KSR1: variants seen among roughly 807,000 people sequenced by gnomAD.
KSR1 encodes kinase suppressor of ras 1, also known as kinase suppressor of ras.
Under a neutral mutation model 92.9 loss-of-function variants are expected in KSR1, and 35 were observed. The observed-to-expected ratio is 0.38, with a 90% CI of 0.29 to 0.50. The LOEUF is 0.50. Ranked by LOEUF, KSR1 falls within the 20% of genes least tolerant of loss-of-function variation. The probability of loss-of-function intolerance (pLI) is 0.94; values close to 1 mark genes in which losing one functional copy is unlikely to be tolerated. For synonymous variants in KSR1, 467 were observed against 472.6 expected, an observed-to-expected ratio of 0.99 and a Z score of 0.15; for missense variants, 972 against 1,158.5, an observed-to-expected ratio of 0.84 and a Z score of 2.34.
rs1054324381 is a variant in KSR1, at chr17:27,603,861, C to T, written c.1538C>T (p.Pro513Leu). Residue 513 changes from proline (P) to leucine (L), a missense_variant, in exon 12 of 21, where the codon CCG becomes CTG. Coordinates refer to ENST00000644974, the MANE Select transcript of KSR1 (RefSeq NM_001394583.1). ...PDISAFAHAAPLPEAADGTRL... is the reference protein window; with the variant it reads ...PDISAFAHAALLPEAADGTRL... Reference sequence around the variant, plus strand: ...ATTTCAGCCTTTGCACACGCAGCCCCGCTCCCTGAAGCTGCCGACGGTACC... The same window carrying T: ...ATTTCAGCCTTTGCACACGCAGCCCTGCTCCCTGAAGCTGCCGACGGTACC... 2.4e-5 allele frequency: 39 copies of T among 1,613,844 alleles called. No homozygotes were observed. Among genetic ancestry groups the T allele is most frequent in the Non-Finnish European group, 3.1e-5 (37 of 1,179,896 alleles).
chr17:27,616,854 C>T (rs1334411403), intron 18 of KSR1, among the ~76,000 whole-genome samples: 1 of 152,214 alleles, frequency 6.6e-6, no homozygotes, highest in Non-Finnish European at 1.5e-5. Flanking sequence ...ATCGAGTCTT[C>T]TTGTCACTCC....
At chr17:27,533,844 C>T (rs1210560039) in intron 1 of KSR1, among the ~76,000 whole-genome samples, 2 of 152,210 alleles carry the variant, frequency 1.3e-5, no homozygotes, top group African/African-American at 2.4e-5. Flanking sequence ...CTAATTTCTT[C>T]AATAAGGGTG....
At chr17:27,606,177 G>T (rs1014662281) in intron 14 of KSR1, among the ~76,000 whole-genome samples, 1 of 152,176 alleles carries the variant, frequency 6.6e-6, no homozygotes, top group Admixed American at 6.5e-5. Context: ...TACTTGGGAG[G>T]CTGAGGCAGG....
intron 1 of KSR1, among the ~76,000 whole-genome samples, chr17:27,492,139 C>T (rs1450464684): frequency 3.9e-5 from 6 of 151,946 alleles, no homozygotes; most frequent in African/African-American, 7.3e-5. Context: ...AGGGAGGAGA[C>T]GAGGAGAGTG....
At chr17:27,615,439 T>C (rs2074031363) in intron 18 of KSR1, among the ~76,000 whole-genome samples, 1 of 152,248 alleles carries the variant, frequency 6.6e-6, no homozygotes, top group South Asian at 2.1e-4. Context: ...GGCTTCACAT[T>C]TGGACCATGG....
intron 1 of KSR1, among the ~76,000 whole-genome samples, chr17:27,487,824 G>C (rs1026962852): frequency 3.9e-5 from 6 of 152,072 alleles, no homozygotes; most frequent in Non-Finnish European, 5.9e-5. Flanking sequence ...GACCGAGAGA[G>C]GAGGAGGTAC....
intron 2 of KSR1, among the ~76,000 whole-genome samples, chr17:27,575,742 A>G (rs563725420): frequency 3.3e-5 from 5 of 152,328 alleles, no homozygotes; most frequent in Admixed American, 1.3e-4. Flanking sequence ...ATGAGAGGAA[A>G]GGGCACAAGT....
intron 5 of KSR1, 199 bp from the exon 6 acceptor site, chr17:27,588,276 A>G (rs914851599): frequency 1.3e-5 from 5 of 398,274 alleles, no homozygotes; most frequent in South Asian, 1.1e-4. Context: ...TAGAGGACCA[A>G]GCGAGGCGAG....
At chr17:27,590,627 A>T (rs552541292) in intron 6 of KSR1, among the ~76,000 whole-genome samples, 184 bp from the exon 7 acceptor site, 21 of 152,308 alleles carry the variant, frequency 1.4e-4, no homozygotes, top group Admixed American at 5.9e-4. Flanking sequence ...TGCATCTGGG[A>T]AATTTAAATG....
At chr17:27,490,007 T>C (rs1173421973) in intron 1 of KSR1, among the ~76,000 whole-genome samples, 2 of 152,222 alleles carry the variant, frequency 1.3e-5, no homozygotes, top group Non-Finnish European at 2.9e-5. Flanking sequence ...TGTGTGTGCA[T>C]GTGTGTATAC....
At chr17:27,482,707 A>T (rs1474931423) in intron 1 of KSR1, among the ~76,000 whole-genome samples, 1 of 152,208 alleles carries the variant, frequency 6.6e-6, no homozygotes, top group East Asian at 1.9e-4. Flanking sequence ...ACTTGAGAAG[A>T]TATTAATGAT....
At chr17:27,463,780 A>G (rs540141492) in intron 1 of KSR1, among the ~76,000 whole-genome samples, 83 of 152,356 alleles carry the variant, frequency 5.4e-4, no homozygotes, top group African/African-American at 1.9e-3. Flanking sequence ...CTTGAGGCTC[A>G]TGAAAGTCAC....
At chr17:27,501,872 C>T (rs1169761192) in intron 1 of KSR1, among the ~76,000 whole-genome samples, 4 of 152,234 alleles carry the variant, frequency 2.6e-5, no homozygotes. Context: ...CGTTAGTTCT[C>T]ATAATAACTT....
In KSR1 at chr17:27,550,635, C is replaced by A; in HGVS notation, c.299C>A (p.Thr100Asn). The A allele has an allele frequency of 1.3e-6, 1 of 764,450 alleles. No individual in the cohort carries two copies. Among genetic ancestry groups the A allele is most frequent in the Non-Finnish European group, 2.4e-6 (1 of 417,890 alleles). 47.4% of individuals were successfully genotyped at this position (764,450 alleles called of 1,614,324 possible). The stretch of plus-strand genomic sequence containing the variant: ...CTGAGCGTGGCTCCCGGTGAGAGGA[C>A]CCCAGAGCTCAACAGCTACCCCCGC... ...CKLSVAPGER[T>N]PELNSYPRFS... Residue 100 changes from threonine (T) to asparagine (N), a missense_variant, in exon 2 of 21, where the codon ACC becomes AAC. Physicochemically the swap from Thr to Asn is moderately conservative, Grantham distance 65. Transcript: ENST00000644974.
At chr17:27,470,484 C>T (rs1380339922) in intron 1 of KSR1, among the ~76,000 whole-genome samples, 2 of 152,048 alleles carry the variant, frequency 1.3e-5, no homozygotes, top group Admixed American at 1.3e-4. Context: ...TCGTGATCCA[C>T]CCACCTCGGC....
At chr17:27,565,140 T>TC (rs1446308772) in intron 2 of KSR1, among the ~76,000 whole-genome samples, 1 of 152,222 alleles carries the variant, frequency 6.6e-6, no homozygotes, top group Non-Finnish European at 1.5e-5. Context: ...CAGTAACAGC[T>TC]CCCATTTATT....
chr17:27,566,976 G>A (rs913205506), intron 2 of KSR1, among the ~76,000 whole-genome samples: 3 of 152,140 alleles, frequency 2.0e-5, no homozygotes, highest in African/African-American at 7.2e-5. Context: ...GAGACTGTGA[G>A]TGCTGACTTT....
At chr17:27,581,211 T>A (rs1180986809) in intron 3 of KSR1, among the ~76,000 whole-genome samples, 1 of 152,018 alleles carries the variant, frequency 6.6e-6, no homozygotes, top group Non-Finnish European at 1.5e-5. Context: ...TGCCACACAC[T>A]TTTAAACTCA....
chr17:27,501,854 T>C (rs950989103), intron 1 of KSR1, among the ~76,000 whole-genome samples: 3 of 152,248 alleles, frequency 2.0e-5, no homozygotes, highest in Admixed American at 2.0e-4. Flanking sequence ...ATACTTTCCA[T>C]ACATTGTCGT....
Sources: allele counts gnomAD v4.1 joint callset (sites outside exome capture counted in the v4.1 genomes callset), GRCh38; gene constraint gnomAD v4.1.1; transcripts MANE v1.5; gene names NCBI Gene and HGNC (gene_info 2026-07-23, HGNC 2026-07-21).